The following NPM2 variants were observed in gnomAD, a reference collection of about 807,000 sequenced individuals.
NPM2 encodes nucleophosmin/nucleoplasmin 2, also known as nucleoplasmin-2.
In NPM2, 25 loss-of-function variants were observed where a neutral mutation model predicts 32.0. The observed-to-expected ratio is 0.78, with a 90% confidence interval of 0.57 to 1.09. The LOEUF (loss-of-function observed/expected upper bound fraction) is 1.09, where lower values mean the gene tolerates loss of function less well. Among genes scored for constraint, NPM2 ranks in the 50% least tolerant of loss-of-function variants. The pLI is 0.00. For missense variants in NPM2, 282 were observed against 259.9 expected (o/e 1.08, Z -0.58); for synonymous variants, 111 against 94.2 (o/e 1.18, Z -1.04).
chr8:22,036,613 C>A (rs375044404), intron 9 of NPM2, 25 bp from the exon 10 acceptor site: 10 of 1,552,752 alleles, frequency 6.4e-6, no homozygotes, highest in African/African-American at 1.4e-5. Context: ...GAACGGGACC[C>A]TGGAGCCCTG....
chr8:22,029,161 A>T (rs1800354104), intron 5 of NPM2, among the ~76,000 whole-genome samples: 1 of 152,046 alleles, frequency 6.6e-6, no homozygotes, highest in South Asian at 2.1e-4. Context: ...TTATTTTCGA[A>T]ATGGAGTCTC....
chr8:22,033,658 C>T (rs373464174), intron 6 of NPM2, among the ~76,000 whole-genome samples: 13 of 152,200 alleles, frequency 8.5e-5, no homozygotes, highest in African/African-American at 2.7e-4. Context: ...TATGATTATG[C>T]CTCATTCATC....
intron 5 of NPM2, among the ~76,000 whole-genome samples, chr8:22,026,149 A>G (rs889144363): frequency 5.3e-5 from 8 of 152,190 alleles, no homozygotes; most frequent in Non-Finnish European, 8.8e-5. Flanking sequence ...CATGAACCCT[A>G]TGGTAAGCTG....
chr8:22,027,441 C>G (rs1800291616), intron 5 of NPM2, among the ~76,000 whole-genome samples: 1 of 152,160 alleles, frequency 6.6e-6, no homozygotes, highest in African/African-American at 2.4e-5. Context: ...AGCTCCAAGT[C>G]CTATATCCAA....
At chr8:22,035,206 C>T (rs901452991) in intron 8 of NPM2, among the ~76,000 whole-genome samples, 4 of 152,248 alleles carry the variant, frequency 2.6e-5, no homozygotes, top group Admixed American at 2.0e-4. Flanking sequence ...AGCTACATCC[C>T]TCTTCTCAAT....
intron 5 of NPM2, among the ~76,000 whole-genome samples, chr8:22,028,341 ATTTTTTTTTT>A (rs36012479): frequency 3.4e-4 from 22 of 65,602 alleles, no homozygotes; most frequent in Admixed American, 2.0e-4. Flanking sequence ...TGCCAAAAAG[ATTTTTTTTTT>A]TTTTTTTTTT....
At chr8:22,030,005 A>C (rs568288450) in intron 5 of NPM2, among the ~76,000 whole-genome samples, 1 of 152,132 alleles carries the variant, frequency 6.6e-6, no homozygotes, top group Admixed American at 6.5e-5. Flanking sequence ...TCAATTCTGG[A>C]AAATTATTGG....
rs1421542613 is a variant in NPM2, at chr8:22,025,769, C to T, written c.267C>T (p.Pro89=). The part of the protein sequence containing the change: ...TIASLQASVL[P]MVSMVGVQLS... ...CCTCACTCCAGGCCTCAGTCCTCCCCATGGTGCGCATTTCCCTGCTGGCTG... is the reference window on the plus strand; with the variant it reads ...CCTCACTCCAGGCCTCAGTCCTCCCTATGGTGCGCATTTCCCTGCTGGCTG... Residue 89 remains proline, a synonymous_variant, in exon 5 of 10, where the codon CCC becomes CCT. Transcript: ENST00000518119. 6.2e-7 allele frequency: 1 copy of T among 1,613,918 alleles called. No homozygotes were observed. Among genetic ancestry groups the T allele is most frequent in the African/African-American group, 1.3e-5 (1 of 74,896 alleles).
chr8:22,025,679 G>A lies in NPM2; in HGVS notation c.177G>A (p.Met59Ile), dbSNP rs555586566. The change falls in exon 5 of 10, where the codon ATG becomes ATA. Residue 59 changes from methionine (M) to isoleucine (I), a missense_variant. Met to Ile is a conservative substitution (Grantham distance 10). Coordinates refer to ENST00000518119, the MANE Select transcript of NPM2 (RefSeq NM_001286680.2). ...TGGGGGAGAAAGCCAAAGAGGAGAT[G>A]CATCGCGTGGAGATCCTGCCCCCAG... The part of the protein sequence containing the change: ...ICLGEKAKEE[M>I]HRVEILPPAN... 5.0e-6 allele frequency: 8 copies of A among 1,614,064 alleles called. No homozygotes were observed. The African/African-American group carries it at 9.3e-5, about 19-fold the overall frequency.
At chr8:22,032,393 C>T (rs984720016) in intron 5 of NPM2, among the ~76,000 whole-genome samples, 3 of 152,166 alleles carry the variant, frequency 2.0e-5, no homozygotes, top group African/African-American at 7.2e-5. Context: ...GTTTCACGCT[C>T]GTGTGTAAGG....
chr8:22,026,191 T>TA (rs1800246881), intron 5 of NPM2, among the ~76,000 whole-genome samples: 1 of 152,080 alleles, frequency 6.6e-6, no homozygotes, highest in African/African-American at 2.4e-5. Flanking sequence ...GCATGCTTCT[T>TA]ATGAGAATCG....
intron 4 of NPM2, 56 bp downstream of exon 4, chr8:22,025,577 A>G (rs180812615): frequency 2.0e-5 from 32 of 1,613,724 alleles, no homozygotes; most frequent in African/African-American, 1.1e-4. Flanking sequence ...TCTGGTCCCA[A>G]CGGAGGGCTA....
rs561306979 is a variant in NPM2 at position 22,025,567 on chromosome 8, T to C, written c.144+46T>C. ...GGAGGAAGATGGTGTCCGGGAACTTTCTGGTCCCAACGGAGGGCTATGGAT... is the reference window on the plus strand; with the variant it reads ...GGAGGAAGATGGTGTCCGGGAACTTCCTGGTCCCAACGGAGGGCTATGGAT... On this transcript the variant is annotated intron_variant, in intron 4 of 9. Transcript: ENST00000518119. 2.7e-5 allele frequency: 43 copies of C among 1,613,484 alleles called. No homozygotes were observed. In the South Asian group the frequency reaches 4.6e-4, roughly 17 times the overall value.
rs2117440099 is a variant in NPM2, at chr8:22,024,296, G to T, written c.-468G>T. 6.6e-6 allele frequency: 1 copy of T among 152,390 alleles called. No homozygotes were observed. The highest frequency in any genetic ancestry group is 1.9e-4 in the East Asian group (1 of 5,192). The allele number at this position is 152,390 out of a possible 1,614,324, so 9.4% of individuals were successfully genotyped here. ...ACGGGCTGTCTGGGCCTTAGGAAAG[G>T]CCCATGCTGTATAAGGCATGGGGAA... is the stretch of plus-strand genomic sequence containing the variant. On this transcript the variant is annotated 5_prime_UTR_variant, in exon 1 of 10. Coordinates refer to ENST00000518119, the MANE Select transcript of NPM2 (RefSeq NM_001286680.2).
At position 22,033,198 on chromosome 8, in the gene NPM2, G is replaced by A. The variant is rs768682091; in HGVS notation, c.339G>A (p.Val113=). The change falls in exon 6 of 10, where the codon GTG becomes GTA. Residue 113 remains valine (V), a synonymous_variant. Coordinates refer to ENST00000518119, the MANE Select transcript of NPM2 (RefSeq NM_001286680.2). Reference sequence around the variant, plus strand: ...AGCTCCGGGCTGGCTCAGGACCCGTGTTCCTCAGTGGCCAGGAACGTTATG... The same window carrying A: ...AGCTCCGGGCTGGCTCAGGACCCGTATTCCTCAGTGGCCAGGAACGTTATG... ...TFQLRAGSGP[V]FLSGQERYEA... 4 of 1,614,086 alleles carry A rather than the reference G, an allele frequency of 2.5e-6. No individual in the cohort carries two copies. Among genetic ancestry groups the A allele is most frequent in the Non-Finnish European group, 3.4e-6 (4 of 1,180,010 alleles).
intron 3 of NPM2, 26 bp from the exon 4 acceptor site, chr8:22,025,410 C>T (rs1257124272): frequency 6.2e-7 from 1 of 1,610,392 alleles, no homozygotes; most frequent in African/African-American, 1.3e-5. Flanking sequence ...TGGAGGGCCC[C>T]ACTTCCCTCC....
chr8:22,032,861 T>C (rs895984400), intron 5 of NPM2, among the ~76,000 whole-genome samples: 7 of 152,008 alleles, frequency 4.6e-5, no homozygotes, highest in African/African-American at 1.7e-4. Flanking sequence ...AACATAGGAA[T>C]TTGGAGGATG....
In NPM2 at chr8:22,036,626, T is replaced by C. The variant is rs1361324445; in HGVS notation, c.601-12T>C. The C allele has an allele frequency of 2.6e-6, 4 of 1,551,878 alleles. No individual in the cohort carries two copies. The highest frequency in any genetic ancestry group is 2.6e-6 in the Non-Finnish European group (3 of 1,147,356). The stretch of plus-strand genomic sequence containing the variant: ...GGGAACGGGACCCTGGAGCCCTGCC[T>C]TCCCTCCACAGGCCAAAGCCACAGC... On this transcript the variant is annotated splice_polypyrimidine_tract_variant and intron_variant, in intron 9 of 9. Transcript: ENST00000518119.
intron 5 of NPM2, among the ~76,000 whole-genome samples, chr8:22,028,979 G>A (rs1800347680): frequency 6.6e-6 from 1 of 151,844 alleles, no homozygotes; most frequent in African/African-American, 2.4e-5. Context: ...ATTAATTAAA[G>A]TTCCTTTTCC....
Sources: gnomAD v4.1 joint callset for allele counts (sites outside exome capture counted in the v4.1 genomes callset) on GRCh38, gnomAD v4.1.1 for gene constraint, MANE v1.5 for transcripts, NCBI Gene and HGNC (gene_info 2026-07-23, HGNC 2026-07-21) for gene names.